The following NMBR variants were observed in gnomAD, a reference collection of about 807,000 sequenced individuals.
NMBR encodes the protein neuromedin B receptor, also known as neuromedin-B receptor.
In NMBR, 16 loss-of-function variants were observed where a neutral mutation model predicts 20.5. That is an observed-to-expected ratio of 0.78 (90% CI 0.53 to 1.19). The LOEUF is 1.19. Among genes scored for constraint, NMBR ranks in the 50% most tolerant of loss-of-function variants. The pLI, the probability that NMBR is intolerant of heterozygous loss-of-function variation, is 0.00. For synonymous variants in NMBR, 212 were observed against 196.6 expected, an observed-to-expected ratio of 1.08 and a Z score of -0.65; for missense variants, 582 against 499.1, an observed-to-expected ratio of 1.17 and a Z score of -1.58.
At chr6:142,140,866 A>G (rs1778350927) in intron 1 of NMBR, among the ~76,000 whole-genome samples, 1 of 152,178 alleles carries the variant, frequency 6.6e-6, no homozygotes, top group South Asian at 2.1e-4. Flanking sequence ...TGATGAAAGT[A>G]TAATTTCATC....
At position 142,088,867 on chromosome 6, in the gene NMBR, G is replaced by T. The variant is rs933356925; in HGVS notation, c.-209C>A. The T allele has an allele frequency of 4.0e-6, 2 of 498,414 alleles. No individual in the cohort carries two copies. Among genetic ancestry groups the T allele is most frequent in the Non-Finnish European group, 7.1e-6 (2 of 281,226 alleles). 30.9% of individuals were successfully genotyped at this position (498,414 alleles called of 1,614,324 possible). On this transcript the variant is annotated 5_prime_UTR_variant, in exon 2 of 4. Coordinates refer to ENST00000258042, the MANE Select transcript of NMBR (RefSeq NM_002511.4). The stretch of plus-strand genomic sequence containing the variant: ...ACACTCGGGCGCTCCGCTTCTAGAG[G>T]GGGGAAATGGCTCCGGCTAACTCTG...
At chr6:142,119,344 T>A (rs1777905397) in intron 1 of NMBR, among the ~76,000 whole-genome samples, 1 of 151,964 alleles carries the variant, frequency 6.6e-6, no homozygotes, top group Middle Eastern at 3.2e-3. Context: ...AATAGGACCA[T>A]ATCATTAGGC....
At chr6:142,088,024 T>C (rs1777231443) in intron 2 of NMBR, among the ~76,000 whole-genome samples, 1 of 152,064 alleles carries the variant, frequency 6.6e-6, no homozygotes, top group Admixed American at 6.6e-5. Flanking sequence ...TTTTAAAACA[T>C]AGTAATTTTC....
chr6:142,082,215 A>T (rs1428487758), intron 2 of NMBR, among the ~76,000 whole-genome samples: 2 of 152,194 alleles, frequency 1.3e-5, no homozygotes, highest in East Asian at 1.9e-4. Flanking sequence ...GTCCACAAAA[A>T]GTCTGAGTGT....
intron 1 of NMBR, among the ~76,000 whole-genome samples, chr6:142,125,297 T>C (rs930147618): frequency 1.3e-4 from 20 of 151,854 alleles, no homozygotes; most frequent in African/African-American, 4.6e-4. Context: ...GAAACATATA[T>C]AGAGATTACT....
chr6:142,119,700 C>T (rs950572664), intron 1 of NMBR, among the ~76,000 whole-genome samples: 7 of 151,690 alleles, frequency 4.6e-5, no homozygotes, highest in East Asian at 3.9e-4. Context: ...CTGTTACAGA[C>T]GGAAAATTGA....
rs551876440 is a variant in NMBR at position 142,075,119 on chromosome 6, C to A, written c.*529G>T. Among the ~76,000 whole-genome samples, 3 of 151,698 alleles carry A rather than the reference C, an allele frequency of 2.0e-5. No individual in the cohort carries two copies. The highest frequency in any genetic ancestry group is 2.1e-4 in the South Asian group (1 of 4,804). On this transcript the variant is annotated 3_prime_UTR_variant, in exon 4 of 4. Transcript: ENST00000258042. ...ATATACATATATATATACACACACA[C>A]ACACACTCATGCAATAGTTGTGAAT...
At chr6:142,102,258 C>T (rs549289036) in intron 1 of NMBR, among the ~76,000 whole-genome samples, 19 of 151,914 alleles carry the variant, frequency 1.3e-4, no homozygotes, top group Non-Finnish European at 2.2e-4. Context: ...GGCATGGTGG[C>T]GGGCACCTGT....
chr6:142,106,327 ACTTGT>A (rs1018954848), intron 1 of NMBR, among the ~76,000 whole-genome samples: 84 of 152,270 alleles, frequency 5.5e-4, no homozygotes, highest in African/African-American at 1.9e-3. Context: ...GGTACTGAGA[ACTTGT>A]CTTGTCTCTA....
Position 142,075,772 on chromosome 6 carries a change from CCT to C in NMBR, c.1047_1048del (p.Gly350AsnfsTer20). 6.2e-7 allele frequency: 1 copy of C among 1,613,992 alleles called. No homozygotes were observed. The highest frequency in any genetic ancestry group is 8.5e-7 in the Non-Finnish European group (1 of 1,179,942). ...TGAAGAGCTGAGTAGGTAGCTGGTT[CCT>C]CTCTCTTGATAGGACTTCCTCCCAC... On this transcript the variant is annotated frameshift_variant, in exon 4 of 4. Transcript: ENST00000258042. LOFTEE classifies it high-confidence loss of function.
At chr6:142,126,284 T>A (rs960875438) in intron 1 of NMBR, among the ~76,000 whole-genome samples, 11 of 151,592 alleles carry the variant, frequency 7.3e-5, no homozygotes, top group African/African-American at 1.9e-4. Context: ...TGTGTGTGTG[T>A]GAGATTTCTT....
intron 1 of NMBR, among the ~76,000 whole-genome samples, chr6:142,097,036 A>G (rs1000414285): frequency 2.0e-5 from 3 of 151,946 alleles, no homozygotes; most frequent in Non-Finnish European, 2.9e-5. Flanking sequence ...TAGATCTTCC[A>G]CCATCCCTTT....
chr6:142,131,399 C>T (rs1778139755), intron 1 of NMBR, among the ~76,000 whole-genome samples: 1 of 152,166 alleles, frequency 6.6e-6, no homozygotes, highest in South Asian at 2.1e-4. Flanking sequence ...CATTTTGAAA[C>T]TTTCTTTGCC....
At chr6:142,094,632 G>A (rs1214432290) in intron 1 of NMBR, among the ~76,000 whole-genome samples, 9 of 151,990 alleles carry the variant, frequency 5.9e-5, no homozygotes, top group East Asian at 1.9e-4. Flanking sequence ...TTGGCTATGC[G>A]GGCTCTTTTT....
At chr6:142,134,559 C>G (rs1311403700) in intron 1 of NMBR, 2 of 583,820 alleles carry the variant, frequency 3.4e-6, no homozygotes, top group Non-Finnish European at 6.0e-6. Flanking sequence ...TAGTTATTGT[C>G]CTGGTTCCTG....
chr6:142,124,066 C>A (rs1221938673), intron 1 of NMBR, among the ~76,000 whole-genome samples: 1 of 151,660 alleles, frequency 6.6e-6, no homozygotes, highest in Non-Finnish European at 1.5e-5. Context: ...AGCAGTCTAG[C>A]CGAAAAATTG....
At chr6:142,132,118 T>C (rs1312458470) in intron 1 of NMBR, among the ~76,000 whole-genome samples, 1 of 152,194 alleles carries the variant, frequency 6.6e-6, no homozygotes, top group Non-Finnish European at 1.5e-5. Context: ...CTGTCCCCTG[T>C]TTATTGGTTA....
At chr6:142,117,071 T>C (rs1777868409) in intron 1 of NMBR, among the ~76,000 whole-genome samples, 5 of 152,002 alleles carry the variant, frequency 3.3e-5, no homozygotes. Context: ...AGGACTGGCT[T>C]CCATTTATTT....
chr6:142,088,867 G>A lies in NMBR; in HGVS notation c.-209C>T, dbSNP rs933356925. 4 of 498,300 alleles carry A rather than the reference G, an allele frequency of 8.0e-6. No individual in the cohort carries two copies. Among genetic ancestry groups the A allele is most frequent in the African/African-American group, 7.7e-5 (4 of 52,240 alleles). The allele number at this position is 498,300 out of a possible 1,614,324, so 30.9% of individuals were successfully genotyped here. A position where few individuals can be genotyped will look rare whatever the true frequency, so the allele number is the denominator to read the frequency against. On this transcript the variant is annotated 5_prime_UTR_variant, in exon 2 of 4. Transcript: ENST00000258042. Reference sequence around the variant, plus strand: ...ACACTCGGGCGCTCCGCTTCTAGAGGGGGGAAATGGCTCCGGCTAACTCTG... The same window carrying A: ...ACACTCGGGCGCTCCGCTTCTAGAGAGGGGAAATGGCTCCGGCTAACTCTG...
Sources: allele counts gnomAD v4.1 joint callset (sites outside exome capture counted in the v4.1 genomes callset), GRCh38; gene constraint gnomAD v4.1.1; transcripts MANE v1.5; gene names NCBI Gene and HGNC (gene_info 2026-07-23, HGNC 2026-07-21).